Variants in HFE observed in about 807,000 individuals in gnomAD.
The protein encoded by HFE is hereditary hemochromatosis protein.
In HFE, 36 loss-of-function variants were observed where a neutral mutation model predicts 40.9. The ratio of observed to expected loss-of-function variants is 0.88; its 90% CI spans 0.67 to 1.16. The LOEUF is 1.16. Ranked by LOEUF, HFE falls within the 50% of genes most tolerant of loss-of-function variation. The pLI is 0.00. For missense variants in HFE, 376 were observed against 432.0 expected, an observed-to-expected ratio of 0.87 and a Z score of 1.15; for synonymous variants, 157 against 165.4, an observed-to-expected ratio of 0.95 and a Z score of 0.39.
At chr6:26,089,109 G>C (rs1462277525) in intron 1 of HFE, among the ~76,000 whole-genome samples, 324 of 21,592 alleles carry the variant, frequency 0.015, 2 homozygotes, top group Non-Finnish European at 0.017. Context: ...GTGTGTGTGT[G>C]GGGGGGGGGG....
rs765804978 is a variant in HFE, at chr6:26,091,518, ACC to A, written c.546_547del (p.Leu183GlyfsTer60). ...ATTCGGGCCAGGCAGAACAGGGCCT[ACC>A]TGGAGAGGGACTGCCCTGCACAGCT... is the stretch of plus-strand genomic sequence containing the variant. On this transcript the variant is annotated frameshift_variant, in exon 3 of 6. Transcript: ENST00000357618. LOFTEE classifies it high-confidence loss of function. 3.7e-6 allele frequency: 6 copies of A among 1,614,112 alleles called. No homozygotes were observed. The Admixed American group carries it at 1.0e-4, about 27-fold the overall frequency.
intron 1 of HFE, 101 bp from the exon 2 acceptor site, chr6:26,090,740 C>G (rs1762635913): frequency 8.0e-7 from 1 of 1,243,116 alleles, no homozygotes; most frequent in Admixed American, 1.7e-5. Flanking sequence ...AAAATGAGGA[C>G]CAGACACAGC....
In HFE at chr6:26,092,858, T is replaced by C. The variant is rs770203573; in HGVS notation, c.790T>C (p.Tyr264His). The change falls in exon 4 of 6, where the codon TAC becomes CAC. Residue 264 changes from tyrosine to histidine, a missense_variant. Tyr to His is a moderately conservative substitution (Grantham distance 83). This residue lies in a region of HFE where 173 missense variants were observed against 186.9 expected (regional missense o/e 0.93). Transcript: ENST00000357618. ...KDVLPNGDGT[Y>H]QGWITLAVPP... ...CGTATTGCCCAATGGGGATGGGACC[T>C]ACCAGGGCTGGATAACCTTGGCTGT... 11 of 1,614,220 alleles carry C rather than the reference T, an allele frequency of 6.8e-6. No individual in the cohort carries two copies. Among genetic ancestry groups the C allele is most frequent in the Non-Finnish European group, 9.3e-6 (11 of 1,180,048 alleles).
rs1762962026 is a variant in HFE, at chr6:26,095,049, T to G, written c.*823T>G. The G allele has an allele frequency of 6.5e-6, 1 of 154,020 alleles. No individual in the cohort carries two copies. The highest frequency in any genetic ancestry group is 1.4e-5 in the Non-Finnish European group (1 of 69,214). 9.5% of individuals were successfully genotyped at this position (154,020 alleles called of 1,614,324 possible). Reference sequence around the variant, plus strand: ...TTTTCTACCTGGTCTCTCCTTGTTCTGATAATGAAAATTATGATAAGGATG... The same window carrying G: ...TTTTCTACCTGGTCTCTCCTTGTTCGGATAATGAAAATTATGATAAGGATG... On this transcript the variant is annotated 3_prime_UTR_variant, in exon 6 of 6. Transcript: ENST00000357618.
Position 26,087,433 on chromosome 6 carries a change from C to G in HFE, c.-8C>G, listed in dbSNP as rs1581658015. On this transcript the variant is annotated 5_prime_UTR_variant, in exon 1 of 6. Transcript: ENST00000357618. ...ATTTAACGGGGACGTGCGGCCAGAG[C>G]TGGGGAAATGGGCCCGCGAGCCAGG... is the stretch of plus-strand genomic sequence containing the variant. 4.3e-6 allele frequency: 7 copies of G among 1,614,012 alleles called. No homozygotes were observed. In the East Asian group the frequency reaches 1.6e-4, roughly 36 times the overall value.
chr6:26,094,170 T>C lies in HFE; in HGVS notation c.1007-16T>C, dbSNP rs1762914798. ...AGGTTTGTGATGCCTCTTTCCTGGG[T>C]CTCTTGTCTCCACAGGAGGAGCCAT... On this transcript the variant is annotated splice_polypyrimidine_tract_variant and intron_variant, in intron 5 of 5. Coordinates refer to ENST00000357618, the MANE Select transcript of HFE (RefSeq NM_000410.4). 3.1e-6 allele frequency: 5 copies of C among 1,613,490 alleles called. No homozygotes were observed. The highest frequency in any genetic ancestry group is 2.2e-5 in the South Asian group (2 of 91,054).
In HFE at chr6:26,092,690, C is replaced by T. The variant is rs866376221; in HGVS notation, c.622C>T (p.Pro208Ser). 1 of 1,614,086 alleles carries T rather than the reference C, an allele frequency of 6.2e-7. No homozygotes were observed. The highest frequency in any genetic ancestry group is 8.5e-7 in the Non-Finnish European group (1 of 1,180,050). ...GRGVLDQQVP[P>S]LVKVTHHVTS... Reference sequence around the variant, plus strand: ...CCTTCCTCTTTCCTGTCAAGTGCCTCCTTTGGTGAAGGTGACACATCATGT... The same window carrying T: ...CCTTCCTCTTTCCTGTCAAGTGCCTTCTTTGGTGAAGGTGACACATCATGT... The change falls in exon 4 of 6, where the codon CCT (proline) becomes TCT (serine). Residue 208 changes from proline (P) to serine (S), a missense_variant. Transcript: ENST00000357618.
At chr6:26,092,565 CTTGT>C (rs1762796624) in intron 3 of HFE, 116 bp from the exon 4 acceptor site, 4 of 1,586,980 alleles carry the variant, frequency 2.5e-6, no homozygotes, top group Non-Finnish European at 2.6e-6. Flanking sequence ...TCTCCTGTAG[CTTGT>C]TTTTTTCTGA....
rs1397427439 is a variant in HFE at position 26,095,778 on chromosome 6, T to A, written c.*1552T>A. ...TCAGCTGTCATGTTTCCTTTAAAAG[T>A]CCCTGAAGGAAGGTCCTGGAATGTG... is the stretch of plus-strand genomic sequence containing the variant. On this transcript the variant is annotated 3_prime_UTR_variant, in exon 6 of 6. Coordinates refer to ENST00000357618, the MANE Select transcript of HFE (RefSeq NM_000410.4). 6.6e-6 allele frequency: 1 copy of A among 152,174 alleles called. No individual in the cohort carries two copies. The highest frequency in any genetic ancestry group is 6.5e-5 in the Admixed American group (1 of 15,274). 9.4% of individuals were successfully genotyped at this position (152,174 alleles called of 1,614,324 possible). A position where few individuals can be genotyped will look rare whatever the true frequency, so the allele number is the denominator to read the frequency against.
chr6:26,094,840 A>C lies in HFE; in HGVS notation c.*614A>C, dbSNP rs556101116. ...AAGAGGCACCTGTCCCAGAAAAAGC[A>C]TCATGGCTATCTGTGGGTAGTATGA... On this transcript the variant is annotated 3_prime_UTR_variant, in exon 6 of 6. Coordinates refer to ENST00000357618, the MANE Select transcript of HFE (RefSeq NM_000410.4). The C allele has an allele frequency of 4.9e-6, 1 of 202,662 alleles. No homozygotes were observed. Among genetic ancestry groups the C allele is most frequent in the African/African-American group, 2.3e-5 (1 of 42,874 alleles). 12.6% of individuals were successfully genotyped at this position (202,662 alleles called of 1,614,324 possible). A position where few individuals can be genotyped will look rare whatever the true frequency, so the allele number is the denominator to read the frequency against.
intron 1 of HFE, among the ~76,000 whole-genome samples, chr6:26,088,336 T>C (rs942373261): frequency 4.6e-5 from 7 of 152,246 alleles, no homozygotes; most frequent in African/African-American, 1.2e-4. Flanking sequence ...TCTGATCTTA[T>C]TTGATTTTCA....
At position 26,089,108 on chromosome 6, in the gene HFE, T is replaced by TG. The variant is rs60292295; in HGVS notation, c.76+1604dup. Among the ~76,000 whole-genome samples the TG allele has an allele frequency of 4.3e-3, 240 of 56,314 alleles. 2 individuals are homozygous for TG. The highest frequency in any genetic ancestry group is 0.011 in the East Asian group (24 of 2,198). 36.9% of individuals were successfully genotyped at this position (56,314 alleles called of 152,430 possible). ...TCAGCACTACTCATGTGTGTGTGTG[T>TG]GGGGGGGGGGGGCGGCGTGGGGGTG... On this transcript the variant is annotated intron_variant, in intron 1 of 5. Transcript: ENST00000357618.
At chr6:26,090,007 A>T (rs1025813576) in intron 1 of HFE, among the ~76,000 whole-genome samples, 6 of 152,122 alleles carry the variant, frequency 3.9e-5, no homozygotes, top group Non-Finnish European at 8.8e-5. Flanking sequence ...CAGTGGGGTA[A>T]TTGGCAATGC....
rs1648039973 is a variant in HFE, at chr6:26,096,413, T to A, written c.*2187T>A. 2.2e-6 allele frequency: 1 copy of A among 454,788 alleles called. No individual in the cohort carries two copies. The highest frequency in any genetic ancestry group is 2.0e-5 in the African/African-American group (1 of 49,998). 28.2% of individuals were successfully genotyped at this position (454,788 alleles called of 1,614,324 possible). A position where few individuals can be genotyped will look rare whatever the true frequency, so the allele number is the denominator to read the frequency against. ...CCTCCCAAAGTGCTGAGATTACAGG[T>A]GTGAGCCACCCTGCCCAGCCGTCAA... On this transcript the variant is annotated 3_prime_UTR_variant, in exon 6 of 6. Coordinates refer to ENST00000357618, the MANE Select transcript of HFE (RefSeq NM_000410.4).
In HFE at chr6:26,091,040, A is replaced by G; in HGVS notation, c.276A>G (p.Lys92=). 6.2e-7 allele frequency: 1 copy of G among 1,614,230 alleles called. No homozygotes were observed. The change falls in exon 2 of 6, where the codon AAA becomes AAG. Residue 92 remains lysine, a synonymous_variant. Coordinates refer to ENST00000357618, the MANE Select transcript of HFE (RefSeq NM_000410.4). ...QMWLQLSQSL[K]GWDHMFTVDF... ...GGCTGCAGCTGAGTCAGAGTCTGAA[A>G]GGGTGGGATCACATGTTCACTGTTG...
At position 26,090,834 on chromosome 6, in the gene HFE, T is replaced by A. The variant is rs1191745503; in HGVS notation, c.77-7T>A. ...CACATGGTTAAGGCCTGTTGCTCTG[T>A]CTCCAGGTTCACACTCTCTGCACTA... On this transcript the variant is annotated splice_region_variant and splice_polypyrimidine_tract_variant and intron_variant, in intron 1 of 5. Transcript: ENST00000357618. 1.2e-6 allele frequency: 2 copies of A among 1,613,402 alleles called. No individual in the cohort carries two copies. Among genetic ancestry groups the A allele is most frequent in the Non-Finnish European group, 1.7e-6 (2 of 1,180,008 alleles).
Position 26,091,377 on chromosome 6 carries a change from A to C in HFE, c.404A>C (p.Tyr135Ser). The change falls in exon 3 of 6, where the codon TAC becomes TCC. Residue 135 changes from tyrosine to serine, a missense_variant. Transcript: ENST00000357618. ...CAAGAAGACAACAGTACCGAGGGCT[A>C]CTGGAAGTACGGGTATGATGGGCAG... is the stretch of plus-strand genomic sequence containing the variant. Reference protein sequence around the residue: ...EMQEDNSTEGYWKYGYDGQDH... With the variant: ...EMQEDNSTEGSWKYGYDGQDH... The C allele has an allele frequency of 2.5e-6, 4 of 1,614,184 alleles. No individual in the cohort carries two copies. Among genetic ancestry groups the C allele is most frequent in the Non-Finnish European group, 3.4e-6 (4 of 1,180,024 alleles).
intron 3 of HFE, 56 bp from the exon 4 acceptor site, chr6:26,092,629 C>A: frequency 6.2e-7 from 1 of 1,614,022 alleles, no homozygotes; most frequent in Non-Finnish European, 8.5e-7. Flanking sequence ...AAGTTCCAGT[C>A]TTCCTGGCAA....
Position 26,095,646 on chromosome 6 carries a change from GAATA to G in HFE, c.*1425_*1428del, listed in dbSNP as rs1350374452. On this transcript the variant is annotated 3_prime_UTR_variant, in exon 6 of 6. Coordinates refer to ENST00000357618, the MANE Select transcript of HFE (RefSeq NM_000410.4). ...CTACATTCAGTAGTTTAGATGCCTA[GAATA>G]AATAGAGAAGGAAGGAGATGGCTCT... 6 of 152,146 alleles carry G rather than the reference GAATA, an allele frequency of 3.9e-5. No homozygotes were observed. The highest frequency in any genetic ancestry group is 1.4e-4 in the African/African-American group (6 of 41,414). 9.4% of individuals were successfully genotyped at this position (152,146 alleles called of 1,614,324 possible). A position where few individuals can be genotyped will look rare whatever the true frequency, so the allele number is the denominator to read the frequency against.
Sources: gnomAD v4.1 joint callset for allele counts (sites outside exome capture counted in the v4.1 genomes callset) on GRCh38, gnomAD v4.1.1 for gene constraint, gnomAD v4.1.1 regional missense constraint, MANE v1.5 for transcripts, NCBI Gene and HGNC (gene_info 2026-07-23, HGNC 2026-07-21) for gene names.